The following IL1RAPL2 variants were observed in gnomAD, a reference collection of about 807,000 sequenced individuals.
IL1RAPL2 encodes X-linked interleukin-1 receptor accessory protein-like 2.
IL1RAPL2 carries 3 observed loss-of-function variants against 44.1 expected under a neutral mutation model. The observed-to-expected ratio is 0.07, with a 90% CI of 0.03 to 0.18. The LOEUF is 0.18. Ranked by LOEUF, IL1RAPL2 falls within the 10% of genes least tolerant of loss-of-function variation. IL1RAPL2 has a pLI of 1.00. For missense variants in IL1RAPL2, 391 were observed against 496.4 expected, an observed-to-expected ratio of 0.79 and a Z score of 2.02; for synonymous variants, 181 against 178.8, an observed-to-expected ratio of 1.01 and a Z score of -0.10.
intron 1 of IL1RAPL2, among the ~76,000 whole-genome samples, chrX:104,633,140 T>C (rs1350411920): frequency 1.8e-5 from 2 of 111,816 alleles, no homozygotes; most frequent in African/African-American, 3.2e-5. Context: ...TGCTGGATTA[T>C]GTTTATTGTT....
intron 5 of IL1RAPL2, among the ~76,000 whole-genome samples, chrX:105,378,661 A>G (rs770529258): frequency 1.8e-5 from 2 of 112,017 alleles, no homozygotes; most frequent in African/African-American, 6.5e-5. Flanking sequence ...GTTTTTTCTG[A>G]AACAGATTTT....
At chrX:104,567,874 C>G (rs1253579049) in intron 1 of IL1RAPL2, among the ~76,000 whole-genome samples, 1 of 112,322 alleles carries the variant, frequency 8.9e-6, no homozygotes, top group Non-Finnish European at 1.9e-5. Flanking sequence ...CAAGGAGACC[C>G]TGGCAAGGGA....
At chrX:105,181,812 C>T (rs1465530196) in intron 2 of IL1RAPL2, among the ~76,000 whole-genome samples, 1 of 110,900 alleles carries the variant, frequency 9.0e-6, no homozygotes, top group Non-Finnish European at 1.9e-5. Flanking sequence ...CGCCTGTAAT[C>T]CCAGCACTTT....
At chrX:104,580,098 A>C (rs996877564) in intron 1 of IL1RAPL2, among the ~76,000 whole-genome samples, 1 of 111,793 alleles carries the variant, frequency 8.9e-6, no homozygotes, top group Non-Finnish European at 1.9e-5. Flanking sequence ...AAACAAAGCA[A>C]AACATGTTTA....
chrX:104,737,424 A>G, intron 2 of IL1RAPL2, among the ~76,000 whole-genome samples: 1 of 112,329 alleles, frequency 8.9e-6, no homozygotes, highest in South Asian at 3.7e-4. Context: ...TCACAGCCCA[A>G]TTGATTAGCC....
chrX:104,993,645 C>G (rs1418401404), intron 2 of IL1RAPL2, among the ~76,000 whole-genome samples: 2 of 111,319 alleles, frequency 1.8e-5, no homozygotes, highest in African/African-American at 6.5e-5. Context: ...ATCCCCAAGT[C>G]AACATTTATT....
At chrX:104,752,330 AAAAATTAT>A (rs1932273593) in intron 2 of IL1RAPL2, among the ~76,000 whole-genome samples, 1 of 110,343 alleles carries the variant, frequency 9.1e-6, no homozygotes. Context: ...ATTGATTTTG[AAAAATTAT>A]AAAATGTATA....
chrX:105,406,352 G>A lies in IL1RAPL2; in HGVS notation c.698-77961G>A. The A allele has an allele frequency of 1.3e-5, 14 of 1,072,327 alleles. No individual in the cohort carries two copies. In the South Asian group the frequency reaches 2.6e-4, roughly 20 times the overall value. The allele number at this position is 1,072,327 out of a possible 1,213,427, so 88.4% of individuals were successfully genotyped here. ...CTCCTTGCGTCATGGACAGCTCATT[G>A]TAAATGATGGCATTAATTTATTGGG... On this transcript the variant is annotated intron_variant, in intron 5 of 10. Coordinates refer to ENST00000372582, the MANE Select transcript of IL1RAPL2 (RefSeq NM_017416.2).
intron 6 of IL1RAPL2, among the ~76,000 whole-genome samples, chrX:105,687,990 G>T (rs1324307367): frequency 2.7e-5 from 3 of 111,761 alleles, no homozygotes; most frequent in African/African-American, 9.8e-5. Context: ...TATCTCAATA[G>T]ATGCAGAAAG....
intron 1 of IL1RAPL2, chrX:104,647,549 C>T: frequency 7.8e-6 from 4 of 515,666 alleles, no homozygotes; most frequent in South Asian, 2.4e-5. Context: ...AAGATTGTCA[C>T]TCACCTGCCT....
At chrX:105,227,442 A>G (rs2034028198) in intron 3 of IL1RAPL2, among the ~76,000 whole-genome samples, 2 of 112,152 alleles carry the variant, frequency 1.8e-5, no homozygotes, top group Non-Finnish European at 3.8e-5. Context: ...AGCTCTTTAC[A>G]ACTGTACAAG....
chrX:105,040,374 A>G (rs1275612510), intron 2 of IL1RAPL2, among the ~76,000 whole-genome samples: 2 of 111,465 alleles, frequency 1.8e-5, no homozygotes, highest in African/African-American at 6.5e-5. Flanking sequence ...AGGCTTTGGT[A>G]TGAGGATGAT....
chrX:105,264,084 G>A (rs757488876), intron 4 of IL1RAPL2, among the ~76,000 whole-genome samples: 1 of 111,171 alleles, frequency 9.0e-6, no homozygotes, highest in Non-Finnish European at 1.9e-5. Context: ...ATCTTGAATT[G>A]TAGTTCCCAT....
chrX:105,443,679 G>T (rs1375749183), intron 5 of IL1RAPL2, among the ~76,000 whole-genome samples: 1 of 112,240 alleles, frequency 8.9e-6, no homozygotes, highest in African/African-American at 3.2e-5. Flanking sequence ...GAATGACAGT[G>T]TCTCAATCAT....
intron 6 of IL1RAPL2, among the ~76,000 whole-genome samples, chrX:105,619,118 C>T (rs756049073): frequency 9.2e-6 from 1 of 108,906 alleles, no homozygotes; most frequent in South Asian, 3.9e-4. Flanking sequence ...TTCATGTATA[C>T]ATGAGAAAAA....
At chrX:104,956,461 A>AGTGTGTGTGTGTGTGTGT (rs59541869) in intron 2 of IL1RAPL2, among the ~76,000 whole-genome samples, 3,785 of 84,001 alleles carry the variant, frequency 0.045, 130 homozygotes, top group African/African-American at 0.065. Flanking sequence ...GTCTCTACTA[A>AGTGTGTGTGTGTGTGTGT]GTGTGTGTGT....
chrX:105,581,461 A>G (rs934976259), intron 6 of IL1RAPL2, among the ~76,000 whole-genome samples: 5 of 111,521 alleles, frequency 4.5e-5, no homozygotes, highest in African/African-American at 1.6e-4. Context: ...TTTTATTCCT[A>G]TTTCATTTAA....
At chrX:104,660,620 G>GACACACAC (rs3055134) in intron 2 of IL1RAPL2, among the ~76,000 whole-genome samples, 49 of 95,531 alleles carry the variant, frequency 5.1e-4, no homozygotes, top group Non-Finnish European at 8.8e-4. Context: ...TGTATGTATA[G>GACACACAC]ACACACACAC....
intron 5 of IL1RAPL2, among the ~76,000 whole-genome samples, chrX:105,382,393 A>G (rs2035439560): frequency 9.1e-6 from 1 of 109,802 alleles, no homozygotes; most frequent in African/African-American, 3.5e-5. Flanking sequence ...TGGCCATCAG[A>G]GAAATGCAAA....
Sources: gnomAD v4.1 joint callset for allele counts (sites outside exome capture counted in the v4.1 genomes callset) on GRCh38, gnomAD v4.1.1 for gene constraint, MANE v1.5 for transcripts, NCBI Gene and HGNC (gene_info 2026-07-23, HGNC 2026-07-21) for gene names.